HMGCLL1: variants seen among roughly 807,000 people sequenced by gnomAD.
HMGCLL1 encodes 3-hydroxymethyl-3-methylglutaryl-CoA lyase, cytoplasmic.
HMGCLL1 carries 36 observed loss-of-function variants against 39.1 expected under a neutral mutation model. That is an observed-to-expected ratio of 0.92 (90% CI 0.71 to 1.22). HMGCLL1 has a LOEUF of 1.22. Among genes scored for constraint, HMGCLL1 ranks in the 50% most tolerant of loss-of-function variants. The pLI, the probability that HMGCLL1 is intolerant of heterozygous loss-of-function variation, is 0.00. For synonymous variants in HMGCLL1, 149 were observed against 144.0 expected, an observed-to-expected ratio of 1.03 and a Z score of -0.25; for missense variants, 451 against 416.5, an observed-to-expected ratio of 1.08 and a Z score of -0.72.
At chr6:55,457,264 T>A (rs1368871606) in intron 7 of HMGCLL1, among the ~76,000 whole-genome samples, 1 of 152,228 alleles carries the variant, frequency 6.6e-6, no homozygotes, top group East Asian at 1.9e-4. Flanking sequence ...CTAAGTATTT[T>A]AGTTCTGTCC....
At chr6:55,655,894 C>T in the HMGCLL1 span, among the ~76,000 whole-genome samples, 1 of 152,016 alleles carries the variant, frequency 6.6e-6, no homozygotes, top group African/African-American at 2.4e-5. Context: ...AATTTAATTC[C>T]TATTTTAATG....
chr6:55,521,013 T>C (rs1396959561), intron 3 of HMGCLL1, among the ~76,000 whole-genome samples: 1 of 152,116 alleles, frequency 6.6e-6, no homozygotes, highest in Non-Finnish European at 1.5e-5. Flanking sequence ...ATGAAGATTA[T>C]AGCCTAACAA....
intron 7 of HMGCLL1, among the ~76,000 whole-genome samples, chr6:55,482,044 T>TA (rs1261410420): frequency 2.0e-5 from 3 of 152,148 alleles, no homozygotes; most frequent in Non-Finnish European, 4.4e-5. Context: ...CACTTCTTCA[T>TA]AAAGTAGTCA....
rs996551083 is a variant in HMGCLL1 at position 55,527,847 on chromosome 6, A to AT, written c.298-11245dup. Reference sequence around the variant, plus strand: ...AAATATCAACAAGATAGTCAAGGATATTTTTTAAATACTCCAGAAATACTA... The same window carrying AT: ...AAATATCAACAAGATAGTCAAGGATATTTTTTTAAATACTCCAGAAATACTA... On this transcript the variant is annotated intron_variant, in intron 3 of 8. Coordinates refer to ENST00000274901, the MANE Select transcript of HMGCLL1 (RefSeq NM_001042406.2). 4.2e-4 allele frequency among the ~76,000 whole-genome samples: 64 copies of AT among 152,138 alleles called. 1 individual carries two copies. In the Middle Eastern group the frequency reaches 0.014, roughly 32 times the overall value.
chr6:55,448,098 C>G (rs1455016906), intron 7 of HMGCLL1, among the ~76,000 whole-genome samples: 2 of 151,924 alleles, frequency 1.3e-5, no homozygotes, highest in Non-Finnish European at 2.9e-5. Flanking sequence ...TATTTGTTGT[C>G]CTAGTGATTG....
At chr6:55,515,368 T>A (rs992492634) in intron 4 of HMGCLL1, among the ~76,000 whole-genome samples, 6 of 152,150 alleles carry the variant, frequency 3.9e-5, no homozygotes, top group African/African-American at 1.4e-4. Context: ...AATTTTCAAT[T>A]TCTAAAATAA....
At chr6:55,562,037 A>C (rs1581952260) in intron 1 of HMGCLL1, among the ~76,000 whole-genome samples, 4 of 152,092 alleles carry the variant, frequency 2.6e-5, no homozygotes, top group Non-Finnish European at 5.9e-5. Context: ...GTTGATTTCA[A>C]CTTCCCCTCA....
intron 7 of HMGCLL1, among the ~76,000 whole-genome samples, chr6:55,490,893 ATT>A (rs150751952): frequency 6.7e-6 from 1 of 149,936 alleles, no homozygotes; most frequent in African/African-American, 2.4e-5. Context: ...ATGTATACCC[ATT>A]TTTTTTTTAC....
At chr6:55,620,724 A>T in the HMGCLL1 span, among the ~76,000 whole-genome samples, 1 of 151,962 alleles carries the variant, frequency 6.6e-6, no homozygotes, top group Non-Finnish European at 1.5e-5. Flanking sequence ...TTCTTTTAGT[A>T]GTTTTATGAT....
chr6:55,616,609 C>A, the HMGCLL1 span, among the ~76,000 whole-genome samples: 2 of 152,066 alleles, frequency 1.3e-5, no homozygotes, highest in Admixed American at 6.6e-5. Flanking sequence ...ACTGTAATGC[C>A]TACCATGTAA....
the HMGCLL1 span, among the ~76,000 whole-genome samples, chr6:55,643,977 C>T: frequency 2.0e-5 from 3 of 151,972 alleles, no homozygotes; most frequent in Non-Finnish European, 4.4e-5. Context: ...TGAGGAACTT[C>T]CAAACTGTTC....
chr6:55,597,022 A>G, the HMGCLL1 span, among the ~76,000 whole-genome samples: 1 of 149,662 alleles, frequency 6.7e-6, no homozygotes. Context: ...AGTAAAATAT[A>G]ATGCACAAAA....
At chr6:55,462,107 A>G (rs1401046142) in intron 7 of HMGCLL1, among the ~76,000 whole-genome samples, 1 of 152,128 alleles carries the variant, frequency 6.6e-6, no homozygotes, top group Non-Finnish European at 1.5e-5. Flanking sequence ...TCTAATGCCA[A>G]ATTCTGTCAA....
At chr6:55,670,910 C>T in the HMGCLL1 span, among the ~76,000 whole-genome samples, 1 of 151,572 alleles carries the variant, frequency 6.6e-6, no homozygotes, top group African/African-American at 2.4e-5. Flanking sequence ...AAGCATGACC[C>T]AACCAAACTC....
chr6:55,541,875 G>T, intron 2 of HMGCLL1, 39 bp from the exon 3 acceptor site: 1 of 1,177,670 alleles, frequency 8.5e-7, no homozygotes, highest in Non-Finnish European at 1.2e-6. Flanking sequence ...AAATTGTATA[G>T]GTCCTATTTA....
intron 1 of HMGCLL1, among the ~76,000 whole-genome samples, chr6:55,550,373 A>G (rs1254129391): frequency 2.0e-5 from 3 of 151,872 alleles, no homozygotes; most frequent in Non-Finnish European, 4.4e-5. Flanking sequence ...ATCCAAGGTC[A>G]TGCCCCCATC....
chr6:55,654,801 C>A, the HMGCLL1 span, among the ~76,000 whole-genome samples: 1 of 151,908 alleles, frequency 6.6e-6, no homozygotes, highest in Non-Finnish European at 1.5e-5. Context: ...TTCTTCTTCT[C>A]TGTCAACCCT....
At chr6:55,487,393 C>T (rs1766087287) in intron 7 of HMGCLL1, among the ~76,000 whole-genome samples, 1 of 151,946 alleles carries the variant, frequency 6.6e-6, no homozygotes, top group Non-Finnish European at 1.5e-5. Context: ...GTTTGCTGCA[C>T]CTATCAACCC....
intron 4 of HMGCLL1, among the ~76,000 whole-genome samples, chr6:55,515,230 C>T (rs147369823): frequency 4.9e-4 from 72 of 146,590 alleles, no homozygotes; most frequent in African/African-American, 9.9e-4. Flanking sequence ...TCCAGCCTGG[C>T]GACAGAGCAA....
Sources: allele counts gnomAD v4.1 joint callset (sites outside exome capture counted in the v4.1 genomes callset), GRCh38; gene constraint gnomAD v4.1.1; transcripts MANE v1.5; gene names NCBI Gene and HGNC (gene_info 2026-07-23, HGNC 2026-07-21).